FYB2: variants seen among roughly 807,000 people sequenced by gnomAD.
The protein encoded by FYB2 is FYN binding protein 2.
A neutral mutation model predicts 94.1 loss-of-function variants in FYB2; 103 were observed. The observed-to-expected ratio is 1.09, with a 90% CI of 0.93 to 1.29. The LOEUF (loss-of-function observed/expected upper bound fraction) is 1.29, where lower values mean the gene tolerates loss of function less well. FYB2 is among the 50% of genes most tolerant of loss of function. The pLI, the probability that FYB2 is intolerant of heterozygous loss-of-function variation, is 0.00. For synonymous variants in FYB2, 293 were observed against 287.9 expected (o/e 1.02, Z -0.18); for missense variants, 896 against 841.5 (o/e 1.06, Z -0.80).
intron 4 of FYB2, among the ~76,000 whole-genome samples, chr1:56,777,817 C>G (rs950116272): frequency 6.6e-6 from 1 of 152,064 alleles, no homozygotes; most frequent in African/African-American, 2.4e-5. Context: ...TATTTTTTCT[C>G]CTAAAATTCT....
intron 2 of FYB2, among the ~76,000 whole-genome samples, chr1:56,791,779 T>C (rs1222104846): frequency 6.6e-6 from 1 of 152,200 alleles, no homozygotes; most frequent in Non-Finnish European, 1.5e-5. Context: ...TAAGAATCTA[T>C]ATAAATTGCC....
chr1:56,814,852 A>G (rs1191387204), intron 1 of FYB2, among the ~76,000 whole-genome samples: 1 of 152,260 alleles, frequency 6.6e-6, no homozygotes, highest in Non-Finnish European at 1.5e-5. Flanking sequence ...AAACCCTCCA[A>G]AATTGCTCTT....
chr1:56,818,472 AC>A (rs2101127055), intron 1 of FYB2, among the ~76,000 whole-genome samples: 1 of 150,426 alleles, frequency 6.6e-6, no homozygotes, highest in East Asian at 1.9e-4. Context: ...ACACACACAC[AC>A]ACACACACAC....
intron 9 of FYB2, among the ~76,000 whole-genome samples, chr1:56,749,865 C>A (rs1358401050): frequency 6.6e-6 from 1 of 152,022 alleles, no homozygotes; most frequent in East Asian, 1.9e-4. Flanking sequence ...CTGGTTACTG[C>A]CGGCCTGTGG....
intron 9 of FYB2, among the ~76,000 whole-genome samples, chr1:56,745,249 A>G (rs183755348): frequency 3.0e-4 from 45 of 152,162 alleles, no homozygotes; most frequent in African/African-American, 7.9e-4. Flanking sequence ...CCTTCATTTT[A>G]AAAACACTGA....
chr1:56,807,059 G>A (rs1433786533), intron 1 of FYB2, among the ~76,000 whole-genome samples: 1 of 152,164 alleles, frequency 6.6e-6, no homozygotes, highest in African/African-American at 2.4e-5. Context: ...AGAACAGGAG[G>A]CTTCACTAGA....
rs952422859 is a variant in FYB2 at position 56,792,017 on chromosome 1, C to T, written c.757+39G>A. The T allele has an allele frequency of 9.9e-6, 15 of 1,517,366 alleles. 1 individual carries two copies. Among genetic ancestry groups the T allele is most frequent in the Middle Eastern group, 2.4e-4 (1 of 4,234 alleles). 94.0% of individuals were successfully genotyped at this position (1,517,366 alleles called of 1,614,324 possible). On this transcript the variant is annotated intron_variant, in intron 2 of 19. Coordinates refer to ENST00000343433, the MANE Select transcript of FYB2 (RefSeq NM_001004303.5). The stretch of plus-strand genomic sequence containing the variant: ...TTTCAAGTAGAAAAACATGATGACA[C>T]CTCCCTAGCCCCTGTCCCATGGGGA...
At chr1:56,777,239 CAAAAAAAAAAAAAAAAAAAA>C (rs1453236717) in intron 4 of FYB2, among the ~76,000 whole-genome samples, 4 of 4,798 alleles carry the variant, frequency 8.3e-4, no homozygotes, top group Non-Finnish European at 1.0e-3. Flanking sequence ...GTCTCAAAAA[CAAAAAAAAAAAAAAAAAAAA>C]AAAAAAAAAA....
chr1:56,789,489 T>C (rs1424539063), intron 2 of FYB2, among the ~76,000 whole-genome samples: 1 of 152,204 alleles, frequency 6.6e-6, no homozygotes, highest in East Asian at 1.9e-4. Context: ...TTAGATAGCC[T>C]TAAAAAGCTC....
At chr1:56,721,137 C>T (rs1336500870) in intron 17 of FYB2, among the ~76,000 whole-genome samples, 3 of 152,008 alleles carry the variant, frequency 2.0e-5, no homozygotes, top group East Asian at 3.9e-4. Context: ...AAATTCAATT[C>T]CTGACCTTGG....
intron 1 of FYB2, among the ~76,000 whole-genome samples, chr1:56,797,557 T>C (rs540603131): frequency 2.0e-5 from 3 of 152,020 alleles, no homozygotes; most frequent in Non-Finnish European, 4.4e-5. Flanking sequence ...GAGGTGTCCA[T>C]AGCTTGGTAA....
intron 13 of FYB2, among the ~76,000 whole-genome samples, chr1:56,739,078 T>C (rs533381699): frequency 6.6e-6 from 1 of 151,912 alleles, no homozygotes; most frequent in South Asian, 2.1e-4. Context: ...GTAGTGAGAG[T>C]AATTTTAGTG....
chr1:56,792,629 G>T lies in FYB2; in HGVS notation c.184C>A (p.Arg62Ser). ...GKPLSSNHKQ[R>S]TPYCSSSESQ... is the part of the protein sequence containing the mutation. Reference sequence around the variant, plus strand: ...TCACTACTGGAACAGTATGGTGTGCGCTGCTTGTGGTTGGATGAGAGGGGT... The same window carrying T: ...TCACTACTGGAACAGTATGGTGTGCTCTGCTTGTGGTTGGATGAGAGGGGT... The change falls in exon 2 of 20, where the codon CGC becomes AGC. Residue 62 changes from arginine to serine, a missense_variant. Coordinates refer to ENST00000343433, the MANE Select transcript of FYB2 (RefSeq NM_001004303.5). 6.2e-7 allele frequency: 1 copy of T among 1,614,090 alleles called. No homozygotes were observed. Among genetic ancestry groups the T allele is most frequent in the Non-Finnish European group, 8.5e-7 (1 of 1,179,998 alleles).
chr1:56,748,682 C>A (rs1437811282), intron 9 of FYB2, among the ~76,000 whole-genome samples: 2 of 151,894 alleles, frequency 1.3e-5, no homozygotes, highest in Non-Finnish European at 2.9e-5. Flanking sequence ...AATTATCAAC[C>A]TTAGGACACT....
At chr1:56,751,227 T>C (rs777098693) in intron 8 of FYB2, 24 bp from the exon 9 acceptor site, 16 of 1,610,050 alleles carry the variant, frequency 9.9e-6, no homozygotes, top group Non-Finnish European at 1.4e-5. Context: ...AAAGGGAGAA[T>C]ACTGTAGGGC....
chr1:56,742,011 C>T (rs1644965477), intron 12 of FYB2, 150 bp downstream of exon 12: 1 of 647,480 alleles, frequency 1.5e-6, no homozygotes, highest in Admixed American at 3.1e-5. Flanking sequence ...TATCATAACT[C>T]TCAGTGTGAA....
chr1:56,721,297 T>C, intron 17 of FYB2, among the ~76,000 whole-genome samples: 1 of 152,068 alleles, frequency 6.6e-6, no homozygotes, highest in East Asian at 1.9e-4. Flanking sequence ...AAATATCTCC[T>C]TTTGCCCAGG....
At chr1:56,787,873 G>A (rs1232498370) in intron 3 of FYB2, among the ~76,000 whole-genome samples, 1 of 152,158 alleles carries the variant, frequency 6.6e-6, no homozygotes, top group African/African-American at 2.4e-5. Context: ...ATTATTTAAT[G>A]TTTATAAAAA....
At chr1:56,730,424 GA>G (rs1261143595) in intron 15 of FYB2, among the ~76,000 whole-genome samples, 29 of 116,498 alleles carry the variant, frequency 2.5e-4, no homozygotes, top group Non-Finnish European at 3.5e-5. Flanking sequence ...AGAGGGAGGG[GA>G]GGGGGAGAGG....
Sources: allele counts gnomAD v4.1 joint callset (sites outside exome capture counted in the v4.1 genomes callset), GRCh38; gene constraint gnomAD v4.1.1; transcripts MANE v1.5; gene names NCBI Gene and HGNC (gene_info 2026-07-23, HGNC 2026-07-21).